PBRM1: variants seen among roughly 807,000 people sequenced by gnomAD.
The protein encoded by PBRM1 is polybromo 1.
PBRM1 carries 27 observed loss-of-function variants against 194.5 expected under a neutral mutation model. The ratio of observed to expected loss-of-function variants is 0.14; its 90% confidence interval spans 0.10 to 0.19. The LOEUF is 0.19. Ranked by LOEUF, PBRM1 falls within the 10% of genes least tolerant of loss-of-function variation. The pLI is 1.00. For synonymous variants in PBRM1, 655 were observed against 693.2 expected (o/e 0.94, Z 0.87); for missense variants, 1,466 against 2,077.2 (o/e 0.71, Z 5.72).
rs558377251 is a variant in PBRM1 at position 52,560,718 on chromosome 3, T to A, written c.4288+1049A>T. ...TTCTCAAACTGGTTTTGCCACAAAA[T>A]GTTTTTTGGCTAAACATCTTGCAGG... On this transcript the variant is annotated intron_variant, in intron 25 of 29. Transcript: ENST00000296302. The A allele has an allele frequency of 2.0e-5, 3 of 152,316 alleles. No homozygotes were observed. The South Asian group carries it at 6.2e-4, about 32-fold the overall frequency. 9.4% of individuals were successfully genotyped at this position (152,316 alleles called of 1,614,324 possible). A position where few individuals can be genotyped will look rare whatever the true frequency, so the allele number is the denominator to read the frequency against.
Position 52,588,948 on chromosome 3 carries a change from T to A in PBRM1, c.2965+122A>T, listed in dbSNP as rs576655729. The A allele has an allele frequency of 2.0e-5, 14 of 686,014 alleles. No individual in the cohort carries two copies. In the South Asian group the frequency reaches 2.3e-4, roughly 11 times the overall value. The allele number at this position is 686,014 out of a possible 1,614,324, so 42.5% of individuals were successfully genotyped here. On this transcript the variant is annotated intron_variant, in intron 18 of 29. Coordinates refer to ENST00000296302, the Ensembl canonical transcript of PBRM1. ...GGGTGCTTACTTACATTTATTGACA[T>A]ATTGAACAATTATTATGGAAAGGCT...
rs776682266 is a variant in PBRM1 at position 52,634,825 on chromosome 3, C to G, written c.1088-10G>C. 3.6e-5 allele frequency: 57 copies of G among 1,585,446 alleles called. No individual in the cohort carries two copies. Among genetic ancestry groups the G allele is most frequent in the Admixed American group, 3.6e-4 (20 of 56,192 alleles). ...TCTTCATAGCGTGCAGCTGGAAAGA[C>G]AAAAAAAGTATTTATAAAGGGACGA... On this transcript the variant is annotated splice_polypyrimidine_tract_variant and intron_variant, in intron 10 of 29. Coordinates refer to ENST00000296302, the Ensembl canonical transcript of PBRM1.
intron 20 of PBRM1, among the ~76,000 whole-genome samples, chr3:52,583,114 A>AAC (rs2091683513): frequency 8.4e-6 from 1 of 119,192 alleles, no homozygotes; most frequent in Non-Finnish European, 1.9e-5. Flanking sequence ...AAAAAAAAAA[A>AAC]AAAAAACTAA....
At chr3:52,559,946 GA>G (rs11419126) in intron 25 of PBRM1, among the ~76,000 whole-genome samples, 31 of 147,752 alleles carry the variant, frequency 2.1e-4, no homozygotes, top group Middle Eastern at 3.5e-3. Context: ...AAATGAAATG[GA>G]AAAAAAAAAA....
At chr3:52,637,037 G>C (rs957063818) in intron 10 of PBRM1, among the ~76,000 whole-genome samples, 2 of 151,986 alleles carry the variant, frequency 1.3e-5, no homozygotes, top group African/African-American at 4.8e-5. Flanking sequence ...AGGGGATTAG[G>C]AACCAGAGTC....
At chr3:52,647,457 A>AAATATAT (rs1560745545) in intron 7 of PBRM1, among the ~76,000 whole-genome samples, 2 of 47,882 alleles carry the variant, frequency 4.2e-5, no homozygotes, top group South Asian at 1.2e-3. Context: ...AAAAAAAAAA[A>AAATATAT]ATATATATAT....
chr3:52,547,116 C>T (rs1260798141), downstream of PBRM1: 1 of 232,860 alleles, frequency 4.3e-6, no homozygotes, highest in Non-Finnish European at 8.5e-6. Context: ...CCATGCATAC[C>T]TTAATGCTTT....
chr3:52,634,755 G>A (rs751885636), exon 11 of PBRM1: 2 of 1,613,856 alleles, frequency 1.2e-6, no homozygotes, highest in Non-Finnish European at 1.7e-6. Context: ...AAAAGGATTT[G>A]AAACATCCAT....
chr3:52,652,363 G>T (rs1187809540), intron 5 of PBRM1, among the ~76,000 whole-genome samples: 1 of 146,424 alleles, frequency 6.8e-6, no homozygotes. Context: ...CAGCCTGGGG[G>T]ACAAGAAAGA....
At chr3:52,667,906 G>GA (rs890981030) in intron 3 of PBRM1, among the ~76,000 whole-genome samples, 15 of 149,226 alleles carry the variant, frequency 1.0e-4, no homozygotes, top group East Asian at 9.8e-4. Context: ...AAAAAAAAAA[G>GA]AAAAAAAAAT....
intron 22 of PBRM1, among the ~76,000 whole-genome samples, chr3:52,575,930 AG>A (rs1208031911): frequency 3.3e-5 from 5 of 152,170 alleles, no homozygotes; most frequent in African/African-American, 1.2e-4. Flanking sequence ...GGGGCTGAAA[AG>A]TACAATAACT....
chr3:52,638,985 T>TG (rs1560631347), intron 10 of PBRM1, among the ~76,000 whole-genome samples: 2,684 of 47,592 alleles, frequency 0.056, 187 homozygotes, highest in African/African-American at 0.13. Flanking sequence ...ACATTTTTTT[T>TG]TGGGGGGGGG....
At chr3:52,595,266 G>A (rs532792003) in intron 17 of PBRM1, among the ~76,000 whole-genome samples, 8 of 152,070 alleles carry the variant, frequency 5.3e-5, no homozygotes, top group African/African-American at 1.9e-4. Flanking sequence ...GATGGGTTCA[G>A]TTGATGGGCT....
At chr3:52,574,215 A>G (rs1276024792) in intron 22 of PBRM1, among the ~76,000 whole-genome samples, 6 of 152,366 alleles carry the variant, frequency 3.9e-5, no homozygotes, top group South Asian at 2.1e-4. Flanking sequence ...CTATGTCATC[A>G]TATTTCAGAA....
exon 20 of PBRM1, chr3:52,586,592 T>G: frequency 6.2e-7 from 1 of 1,614,070 alleles, no homozygotes; most frequent in Non-Finnish European, 8.5e-7. Flanking sequence ...GTCCACAGTT[T>G]AATTTTCTTA....
intron 11 of PBRM1, among the ~76,000 whole-genome samples, chr3:52,629,479 G>A (rs926644817): frequency 1.3e-5 from 2 of 152,122 alleles, no homozygotes; most frequent in Non-Finnish European, 1.5e-5. Context: ...TAGTTCATAA[G>A]GGTTAAAGAG....
chr3:52,663,573 A>G (rs908649312), intron 3 of PBRM1, among the ~76,000 whole-genome samples: 2 of 152,258 alleles, frequency 1.3e-5, no homozygotes, highest in African/African-American at 4.8e-5. Context: ...TGATCTCTAC[A>G]GATAAAGTTC....
At chr3:52,601,272 A>G (rs1014734463) in intron 17 of PBRM1, among the ~76,000 whole-genome samples, 27 of 152,166 alleles carry the variant, frequency 1.8e-4, no homozygotes, top group African/African-American at 6.0e-4. Flanking sequence ...GCAGCCCCCA[A>G]CGTTTTTGGC....
exon 14 of PBRM1, chr3:52,617,448 G>T (rs2153488648): frequency 6.2e-7 from 1 of 1,613,336 alleles, no homozygotes; most frequent in Non-Finnish European, 8.5e-7. Context: ...CCATAAATAG[G>T]TCACAAAGTC....
Sources: gnomAD v4.1 joint callset for allele counts (sites outside exome capture counted in the v4.1 genomes callset) on GRCh38, gnomAD v4.1.1 for gene constraint, MANE v1.5 for transcripts, NCBI Gene and HGNC (gene_info 2026-07-23, HGNC 2026-07-21) for gene names.